The following SLIT3 variants were observed in gnomAD, a reference collection of about 807,000 sequenced individuals.
The protein encoded by SLIT3 is slit homolog 3 protein.
SLIT3 carries 68 observed loss-of-function variants against 184.0 expected under a neutral mutation model. The observed-to-expected ratio is 0.37, with a 90% confidence interval of 0.30 to 0.45. SLIT3 has a LOEUF of 0.45. Ranked by LOEUF, SLIT3 falls within the 20% of genes least tolerant of loss-of-function variation. The probability of loss-of-function intolerance (pLI) is 1.00; values close to 1 mark genes in which losing one functional copy is unlikely to be tolerated. For missense variants in SLIT3, 1,707 were observed against 2,026.0 expected, an observed-to-expected ratio of 0.84 and a Z score of 3.02; for synonymous variants, 831 against 828.6, an observed-to-expected ratio of 1.00 and a Z score of -0.05.
intron 4 of SLIT3, among the ~76,000 whole-genome samples, chr5:168,944,543 T>A (rs956397222): frequency 6.6e-6 from 1 of 152,152 alleles, no homozygotes; most frequent in South Asian, 2.1e-4. Flanking sequence ...CACCGAAGCA[T>A]GCCATACTTG....
At chr5:169,242,746 C>A (rs1765444754) in intron 3 of SLIT3, among the ~76,000 whole-genome samples, 1 of 152,148 alleles carries the variant, frequency 6.6e-6, no homozygotes, top group African/African-American at 2.4e-5. Flanking sequence ...CTAGCATTAC[C>A]CCACCTAATA....
intron 4 of SLIT3, among the ~76,000 whole-genome samples, chr5:169,157,841 C>T (rs1377365185): frequency 1.3e-5 from 2 of 151,608 alleles, no homozygotes; most frequent in East Asian, 3.9e-4. Context: ...GAAAAAAGAA[C>T]CAAATGAAAA....
chr5:168,953,669 C>T (rs1439237391), intron 4 of SLIT3, among the ~76,000 whole-genome samples: 1 of 147,142 alleles, frequency 6.8e-6, no homozygotes, highest in East Asian at 1.9e-4. Context: ...TGCTGCAGAG[C>T]CCAGTGCCTG....
At chr5:169,150,861 C>A (rs1327199556) in intron 4 of SLIT3, among the ~76,000 whole-genome samples, 1 of 152,188 alleles carries the variant, frequency 6.6e-6, no homozygotes, top group Non-Finnish European at 1.5e-5. Flanking sequence ...CCCACCCTTA[C>A]ACGTAGCTTG....
intron 4 of SLIT3, among the ~76,000 whole-genome samples, chr5:168,934,608 T>C (rs1193868091): frequency 6.6e-6 from 1 of 152,040 alleles, no homozygotes; most frequent in Non-Finnish European, 1.5e-5. Context: ...GCCTTCCTAC[T>C]AGAACTGACA....
At chr5:168,790,687 C>A (rs1392376883) in intron 10 of SLIT3, 1 of 152,056 alleles carries the variant, frequency 6.6e-6, no homozygotes, top group African/African-American at 2.4e-5. Flanking sequence ...AGTGGGAGAG[C>A]TGGGATCTTG....
At chr5:169,002,345 A>AAAAAAAAAAAAAG (rs1561600096) in intron 4 of SLIT3, among the ~76,000 whole-genome samples, 107 of 145,286 alleles carry the variant, frequency 7.4e-4, no homozygotes, top group East Asian at 2.4e-3. Flanking sequence ...AAAAAAAAAA[A>AAAAAAAAAAAAAG]AAAAAAAAAA....
chr5:169,073,063 G>A (rs1385738079), intron 4 of SLIT3, among the ~76,000 whole-genome samples: 1 of 152,186 alleles, frequency 6.6e-6, no homozygotes. Context: ...CAGGGAGAGT[G>A]CAAATCGTGA....
At chr5:169,196,326 G>A (rs897742847) in intron 3 of SLIT3, among the ~76,000 whole-genome samples, 3 of 152,176 alleles carry the variant, frequency 2.0e-5, no homozygotes, top group Admixed American at 1.3e-4. Context: ...CACAGGTCTG[G>A]CTATATTGTG....
At chr5:168,766,026 G>A (rs1278108994) in intron 14 of SLIT3, among the ~76,000 whole-genome samples, 1 of 152,230 alleles carries the variant, frequency 6.6e-6, no homozygotes, top group Non-Finnish European at 1.5e-5. Context: ...ACATTTGGAT[G>A]ACCAGGGGTG....
chr5:169,287,280 T>A (rs1055223739), intron 1 of SLIT3, among the ~76,000 whole-genome samples: 1 of 152,186 alleles, frequency 6.6e-6, no homozygotes, highest in Non-Finnish European at 1.5e-5. Flanking sequence ...AGACTCGAAA[T>A]AAGCTGCAGG....
intron 4 of SLIT3, among the ~76,000 whole-genome samples, chr5:169,001,865 C>CT (rs1175183667): frequency 1.3e-4 from 20 of 151,594 alleles, no homozygotes; most frequent in Admixed American, 4.6e-4. Flanking sequence ...AGTCTCCCTC[C>CT]TTTTTTTTTC....
chr5:169,269,283 A>G (rs184124540), intron 1 of SLIT3, among the ~76,000 whole-genome samples: 4 of 152,324 alleles, frequency 2.6e-5, no homozygotes, highest in Admixed American at 2.6e-4. Flanking sequence ...CTTATATACC[A>G]ACTCTTGTTG....
At chr5:168,909,059 A>G (rs531085095) in intron 4 of SLIT3, among the ~76,000 whole-genome samples, 1 of 152,346 alleles carries the variant, frequency 6.6e-6, no homozygotes, top group Admixed American at 6.5e-5. Flanking sequence ...GAACAACTCA[A>G]AGGCTTGTCT....
At chr5:169,129,951 C>T (rs749640806) in intron 4 of SLIT3, among the ~76,000 whole-genome samples, 1 of 151,988 alleles carries the variant, frequency 6.6e-6, no homozygotes, top group Non-Finnish European at 1.5e-5. Flanking sequence ...TGGGTTCGAG[C>T]GATTCTCCTG....
chr5:168,898,227 C>T (rs1268323510), intron 4 of SLIT3, among the ~76,000 whole-genome samples: 8 of 152,008 alleles, frequency 5.3e-5, no homozygotes, highest in African/African-American at 1.9e-4. Context: ...AAATATTCTC[C>T]TATTGATCAT....
At chr5:169,186,919 T>C (rs1407816250) in intron 4 of SLIT3, among the ~76,000 whole-genome samples, 1 of 152,042 alleles carries the variant, frequency 6.6e-6, no homozygotes, top group Non-Finnish European at 1.5e-5. Context: ...TTGGCCACAT[T>C]GCATATAGTT....
Position 168,926,722 on chromosome 5 carries a change from CTT to C in SLIT3, c.414-43388_414-43387del, listed in dbSNP as rs555834722. Among the ~76,000 whole-genome samples the C allele has an allele frequency of 4.1e-5, 4 of 98,708 alleles. No homozygotes were observed. The South Asian group carries it at 1.2e-3, about 30-fold the overall frequency. The allele number at this position is 98,708 out of a possible 152,430, so 64.8% of individuals were successfully genotyped here. On this transcript the variant is annotated intron_variant, in intron 4 of 35. Transcript: ENST00000519560. ...TGGATAGACTTTTCTACGAAGAAGA[CTT>C]GGATAGACTTTTCTACGAAGAAGAC...
In SLIT3 at chr5:168,915,510, A is replaced by C. The variant is rs62377188; in HGVS notation, c.414-32174T>G. On this transcript the variant is annotated intron_variant, in intron 4 of 35. Coordinates refer to ENST00000519560, the MANE Select transcript of SLIT3 (RefSeq NM_003062.4). ...ATTGTAAAGTTGCTTTTCTATCCCA[A>C]TACATTAATAGTTGTTATAAAACAG... 7.6e-3 allele frequency among the ~76,000 whole-genome samples: 1,159 copies of C among 152,366 alleles called. 7 individuals are homozygous for C. The highest frequency in any genetic ancestry group is 0.017 in the Middle Eastern group (5 of 294).
Sources: gnomAD v4.1 joint callset for allele counts (sites outside exome capture counted in the v4.1 genomes callset) on GRCh38, gnomAD v4.1.1 for gene constraint, MANE v1.5 for transcripts, NCBI Gene and HGNC (gene_info 2026-07-23, HGNC 2026-07-21) for gene names.